CSAD: variants seen among roughly 807,000 people sequenced by gnomAD.
The protein encoded by CSAD is P-selectin cytoplasmic tail-associated protein.
A neutral mutation model predicts 61.5 loss-of-function variants in CSAD; 47 were observed. That is an observed-to-expected ratio of 0.76 (90% CI 0.60 to 0.97). The LOEUF (loss-of-function observed/expected upper bound fraction) is 0.97, where lower values mean the gene tolerates loss of function less well. Among genes scored for constraint, CSAD ranks in the 50% least tolerant of loss-of-function variants. The pLI is 0.00. For synonymous variants in CSAD, 245 were observed against 252.7 expected, an observed-to-expected ratio of 0.97 and a Z score of 0.29; for missense variants, 611 against 643.6, an observed-to-expected ratio of 0.95 and a Z score of 0.55.
At chr12:53,179,577 T>C in intron 1 of CSAD, 6 of 524,916 alleles carry the variant, frequency 1.1e-5, no homozygotes, top group Non-Finnish European at 2.0e-5. Flanking sequence ...TCTTTCTCCA[T>C]TTTGTCTCTA....
Position 53,171,957 on chromosome 12 carries a change from G to A in CSAD, c.376C>T (p.Leu126Phe), listed in dbSNP as rs1393473464. ...YTYEIAPVFV[L>F]MEEEVLRKLR... The stretch of plus-strand genomic sequence containing the variant: ...TTCCTCAGCACCTCCTCTTCCATGA[G>A]CACAAACACGGGGGCGATTTCATAT... Residue 126 changes from leucine (L) to phenylalanine (F), a missense_variant, in exon 7 of 17, where the codon CTC becomes TTC. Physicochemically the swap from Leu to Phe is conservative, Grantham distance 22. Transcript: ENST00000444623. The A allele has an allele frequency of 6.2e-7, 1 of 1,613,966 alleles. No individual in the cohort carries two copies. Among genetic ancestry groups the A allele is most frequent in the Admixed American group, 1.7e-5 (1 of 59,998 alleles).
At position 53,158,018 on chromosome 12, in the gene CSAD, A is replaced by C. The variant is rs1938750490; in HGVS notation, c.*493T>G. 1 of 152,222 alleles carries C rather than the reference A, an allele frequency of 6.6e-6. No homozygotes were observed. The highest frequency in any genetic ancestry group is 1.5e-5 in the Non-Finnish European group (1 of 68,074). The allele number at this position is 152,222 out of a possible 1,614,324, so 9.4% of individuals were successfully genotyped here. On this transcript the variant is annotated 3_prime_UTR_variant, in exon 17 of 17. Transcript: ENST00000444623. ...AATTTTAATGGCAAAATAACATTTCATCATATAGACATACTGTAATTTATT... is the reference window on the plus strand; with the variant it reads ...AATTTTAATGGCAAAATAACATTTCCTCATATAGACATACTGTAATTTATT...
chr12:53,173,541 G>A, intron 3 of CSAD, 65 bp from the exon 4 acceptor site: 1 of 1,612,354 alleles, frequency 6.2e-7, no homozygotes, highest in Non-Finnish European at 8.5e-7. Flanking sequence ...CCCAGCAGGA[G>A]CCTCCTCTCC....
rs1482137885 is a variant in CSAD at position 53,170,355 on chromosome 12, C to A, written c.647+68G>T. Reference sequence around the variant, plus strand: ...CAGCGGTAAGGGTCTGATGCCAGAGCTTTCTGGCGGCAGGAAGTTACGCTG... The same window carrying A: ...CAGCGGTAAGGGTCTGATGCCAGAGATTTCTGGCGGCAGGAAGTTACGCTG... On this transcript the variant is annotated intron_variant, in intron 9 of 16. Coordinates refer to ENST00000444623, the MANE Select transcript of CSAD (RefSeq NM_001244705.2). 2.8e-6 allele frequency: 4 copies of A among 1,406,396 alleles called. No homozygotes were observed. The South Asian group carries it at 4.6e-5, about 16-fold the overall frequency. The allele number at this position is 1,406,396 out of a possible 1,614,324, so 87.1% of individuals were successfully genotyped here. A position where few individuals can be genotyped will look rare whatever the true frequency, so the allele number is the denominator to read the frequency against.
chr12:53,180,663 C>A, intron 1 of CSAD, 69 bp downstream of exon 1: 1 of 1,280,860 alleles, frequency 7.8e-7, no homozygotes, highest in African/African-American at 1.5e-5. Flanking sequence ...AGCCGCTCGG[C>A]GGAGAGGACG....
Position 53,160,324 on chromosome 12 carries a change from G to A in CSAD, c.967-5C>T, listed in dbSNP as rs779233686. The stretch of plus-strand genomic sequence containing the variant: ...ATGGCAGCGCTTGAGCAGGTTCTGT[G>A]TGGGGGTGAGGAGATTGTCAGACCC... On this transcript the variant is annotated splice_region_variant and splice_polypyrimidine_tract_variant and intron_variant, in intron 13 of 16. Transcript: ENST00000444623. 2.5e-6 allele frequency: 4 copies of A among 1,613,978 alleles called. No homozygotes were observed. Among genetic ancestry groups the A allele is most frequent in the Non-Finnish European group, 3.4e-6 (4 of 1,179,998 alleles).
intron 16 of CSAD, among the ~76,000 whole-genome samples, chr12:53,158,929 T>C (rs1938899253): frequency 6.6e-6 from 1 of 152,232 alleles, no homozygotes; most frequent in South Asian, 2.1e-4. Context: ...ATCTGTCCTG[T>C]GGGACATTTT....
chr12:53,171,286 G>A (rs1046721236), intron 8 of CSAD, 40 bp downstream of exon 8: 18 of 1,613,030 alleles, frequency 1.1e-5, no homozygotes, highest in Admixed American at 6.7e-5. Flanking sequence ...CTGGAGATTA[G>A]AATCAGGAGC....
chr12:53,178,402 G>A (rs1249577029), intron 2 of CSAD: 1 of 456,056 alleles, frequency 2.2e-6, no homozygotes, highest in African/African-American at 2.0e-5. Flanking sequence ...TAAGATGGGA[G>A]GATTCCTTGA....
chr12:53,159,659 C>T lies in CSAD; in HGVS notation c.1272G>A (p.Lys424=). 6.2e-7 allele frequency: 1 copy of T among 1,611,978 alleles called. No homozygotes were observed. The change falls in exon 16 of 17, where the codon AAG becomes AAA. Residue 424 remains lysine (K), a synonymous_variant. Transcript: ENST00000444623. ...FWFVPPSLRG[K]QESPDYHERL... ...TTTCGTGGTAATCTGGACTCTCCTG[C>T]TTCCCTCGCAGGCTGGGGGGTACGA...
chr12:53,181,167 C>A (rs547520434), upstream of CSAD: 5 of 984,906 alleles, frequency 5.1e-6, no homozygotes, highest in African/African-American at 5.2e-5. Flanking sequence ...GCGAGGCGGG[C>A]GACACGCCGC....
chr12:53,170,376 C>T (rs556821413), intron 9 of CSAD, 47 bp downstream of exon 9: 10 of 1,529,782 alleles, frequency 6.5e-6, no homozygotes, highest in East Asian at 4.5e-5. Context: ...CAGGAAGTTA[C>T]GCTGTGCAAA....
At chr12:53,161,626 C>G (rs1939291322) in intron 10 of CSAD, among the ~76,000 whole-genome samples, 2 of 151,854 alleles carry the variant, frequency 1.3e-5, no homozygotes, top group Non-Finnish European at 2.9e-5. Flanking sequence ...CTCATACTCT[C>G]AAAGAACTTG....
At chr12:53,181,202 C>CA, upstream of CSAD, 2 of 985,446 alleles carry the variant, frequency 2.0e-6, no homozygotes, top group South Asian at 4.7e-5. Flanking sequence ...GCCTGTCCTC[C>CA]ACCTCCGCAG....
At chr12:53,178,372 G>C (rs1304274096) in intron 2 of CSAD, 1 of 456,052 alleles carries the variant, frequency 2.2e-6, no homozygotes, top group Non-Finnish European at 4.4e-6. Context: ...CACATCTGTA[G>C]TCCCAACTAC....
chr12:53,180,670 G>A (rs1313315813), intron 1 of CSAD, 62 bp downstream of exon 1: 1 of 1,279,912 alleles, frequency 7.8e-7, no homozygotes, highest in South Asian at 1.2e-5. Context: ...CGGCGGAGAG[G>A]ACGAGGGGGA....
intron 10 of CSAD, among the ~76,000 whole-genome samples, chr12:53,165,456 C>A (rs374320241): frequency 6.6e-6 from 1 of 151,458 alleles, no homozygotes; most frequent in Non-Finnish European, 1.5e-5. Context: ...GTTGGGAGAT[C>A]GAGACCATCC....
intron 10 of CSAD, among the ~76,000 whole-genome samples, chr12:53,168,375 ATATGT>A (rs1296614116): frequency 6.6e-6 from 1 of 152,236 alleles, no homozygotes; most frequent in Non-Finnish European, 1.5e-5. Context: ...TAGGTGAATT[ATATGT>A]TATGTGAATT....
At chr12:53,158,855 A>G (rs902472270) in intron 16 of CSAD, among the ~76,000 whole-genome samples, 171 bp from the exon 17 acceptor site, 1 of 152,078 alleles carries the variant, frequency 6.6e-6, no homozygotes, top group Non-Finnish European at 1.5e-5. Context: ...CCTTTCTGTC[A>G]TATCTAACCT....
Sources: allele counts gnomAD v4.1 joint callset (sites outside exome capture counted in the v4.1 genomes callset), GRCh38; gene constraint gnomAD v4.1.1; transcripts MANE v1.5; gene names NCBI Gene and HGNC (gene_info 2026-07-23, HGNC 2026-07-21).